ATRNL1: variants seen among roughly 807,000 people sequenced by gnomAD.
ATRNL1 encodes attractin like 1.
ATRNL1 carries 95 observed loss-of-function variants against 182.7 expected under a neutral mutation model. That is an observed-to-expected ratio of 0.52 (90% confidence interval 0.44 to 0.62). The LOEUF (loss-of-function observed/expected upper bound fraction) is 0.62. Ranked by LOEUF, ATRNL1 falls within the 20% of genes least tolerant of loss-of-function variation. The pLI is 0.00. For missense variants in ATRNL1, 1,471 were observed against 1,679.5 expected, an observed-to-expected ratio of 0.88 and a Z score of 2.17; for synonymous variants, 576 against 568.3, an observed-to-expected ratio of 1.01 and a Z score of -0.19.
intron 5 of ATRNL1, among the ~76,000 whole-genome samples, chr10:115,134,359 C>T (rs1214836803): frequency 1.3e-5 from 2 of 152,028 alleles, no homozygotes; most frequent in African/African-American, 4.8e-5. Flanking sequence ...GGGGATATCA[C>T]CACAGATCCC....
intron 28 of ATRNL1, among the ~76,000 whole-genome samples, chr10:115,885,615 A>T (rs1453173153): frequency 1.3e-5 from 2 of 152,208 alleles, no homozygotes; most frequent in African/African-American, 2.4e-5. Context: ...AATAGAAATC[A>T]CTTATAATTC....
intron 28 of ATRNL1, among the ~76,000 whole-genome samples, chr10:115,923,508 G>C (rs113984775): frequency 6.6e-6 from 1 of 152,048 alleles, no homozygotes; most frequent in South Asian, 2.1e-4. Context: ...AACATGTGTC[G>C]TTTGGTTTTC....
intron 24 of ATRNL1, among the ~76,000 whole-genome samples, chr10:115,503,986 G>A (rs1554980652): frequency 6.6e-6 from 1 of 151,202 alleles, no homozygotes; most frequent in African/African-American, 2.4e-5. Context: ...GACAAAATTT[G>A]TTCACCTTTT....
chr10:115,541,766 T>A (rs763564724), intron 25 of ATRNL1, among the ~76,000 whole-genome samples: 1 of 152,078 alleles, frequency 6.6e-6, no homozygotes, highest in South Asian at 2.1e-4. Context: ...TTGTAAAAAA[T>A]TTAGCAATAG....
chr10:115,602,282 G>C (rs1856637211), intron 26 of ATRNL1, among the ~76,000 whole-genome samples: 1 of 151,940 alleles, frequency 6.6e-6, no homozygotes, highest in Non-Finnish European at 1.5e-5. Context: ...TGAACCCTGG[G>C]GTCAGAGGTT....
intron 26 of ATRNL1, among the ~76,000 whole-genome samples, chr10:115,584,760 C>T (rs1218079103): frequency 5.3e-5 from 8 of 152,072 alleles, no homozygotes; most frequent in Admixed American, 4.6e-4. Context: ...CAGTTTTGCT[C>T]TGACTTTAGT....
intron 5 of ATRNL1, among the ~76,000 whole-genome samples, chr10:115,134,067 A>G (rs1364571695): frequency 3.9e-5 from 6 of 152,210 alleles, no homozygotes; most frequent in South Asian, 2.1e-4. Flanking sequence ...ATAGCACTAA[A>G]TGCCCACAAC....
Position 115,189,950 on chromosome 10 carries a change from C to T in ATRNL1, c.1348+18658C>T, listed in dbSNP as rs117580231. ...TTTATTTTTTACACCACACTTTTAC[C>T]ATACCTTTTCTATATGTTTAGATAC... is the stretch of plus-strand genomic sequence containing the variant. On this transcript the variant is annotated intron_variant, in intron 8 of 28. Transcript: ENST00000355044. Among the ~76,000 whole-genome samples the T allele has an allele frequency of 5.3e-3, 809 of 152,150 alleles. 3 individuals carry two copies. Among genetic ancestry groups the T allele is most frequent in the South Asian group, 0.028 (136 of 4,824 alleles).
intron 27 of ATRNL1, among the ~76,000 whole-genome samples, chr10:115,786,253 T>C (rs1949394233): frequency 6.6e-6 from 1 of 152,168 alleles, no homozygotes; most frequent in Non-Finnish European, 1.5e-5. Flanking sequence ...TTTTTAGGTA[T>C]TATTACCCCT....
intron 27 of ATRNL1, among the ~76,000 whole-genome samples, chr10:115,811,276 A>T (rs1950040916): frequency 6.6e-6 from 1 of 151,876 alleles, no homozygotes; most frequent in Admixed American, 6.6e-5. Context: ...AATGTGTCAC[A>T]ATTTTCCAGA....
intron 28 of ATRNL1, among the ~76,000 whole-genome samples, chr10:115,934,352 T>C (rs1555122363): frequency 6.6e-6 from 1 of 152,222 alleles, no homozygotes; most frequent in Non-Finnish European, 1.5e-5. Context: ...CCATCTATGC[T>C]AATTACTCCC....
At chr10:115,176,735 G>T (rs576505351) in intron 8 of ATRNL1, among the ~76,000 whole-genome samples, 2 of 152,170 alleles carry the variant, frequency 1.3e-5, no homozygotes, top group African/African-American at 4.8e-5. Context: ...ACGTGAGATA[G>T]CCACTAGATG....
At chr10:115,824,756 A>G (rs550163228) in intron 27 of ATRNL1, among the ~76,000 whole-genome samples, 176 of 152,332 alleles carry the variant, frequency 1.2e-3, no homozygotes, top group African/African-American at 4.1e-3. Flanking sequence ...AGTCATTAAA[A>G]AGTCAGATGC....
intron 24 of ATRNL1, among the ~76,000 whole-genome samples, chr10:115,517,864 G>A (rs1447153036): frequency 2.6e-5 from 4 of 151,642 alleles, no homozygotes; most frequent in Admixed American, 2.0e-4. Context: ...AAAGACCTGG[G>A]AAGAAAATTC....
chr10:115,184,269 A>T (rs1592225398), intron 8 of ATRNL1, among the ~76,000 whole-genome samples: 1 of 151,554 alleles, frequency 6.6e-6, no homozygotes, highest in African/African-American at 2.4e-5. Flanking sequence ...CAAAGCCAGC[A>T]TCTTATACTT....
Position 115,469,243 on chromosome 10 carries a change from T to A in ATRNL1, c.3568T>A (p.Ser1190Thr). Reference protein sequence around the residue: ...NNIKEYRDSFSYEKFNFRSNP... With the variant: ...NNIKEYRDSFTYEKFNFRSNP... ...TATAAAGGAATACAGAGATAGTTTT[T>A]CCTATGAAAAATTTAACTTTAGAAG... The change falls in exon 24 of 29, where the codon TCC becomes ACC. Residue 1190 changes from serine (S) to threonine (T), a missense_variant. Ser to Thr is a moderately conservative substitution (Grantham distance 58). Coordinates refer to ENST00000355044, the MANE Select transcript of ATRNL1 (RefSeq NM_207303.4). The A allele has an allele frequency of 2.7e-6, 4 of 1,500,594 alleles. No individual in the cohort carries two copies. Among genetic ancestry groups the A allele is most frequent in the Non-Finnish European group, 3.6e-6 (4 of 1,113,150 alleles). The allele number at this position is 1,500,594 out of a possible 1,614,324, so 93.0% of individuals were successfully genotyped here.
At position 115,281,355 on chromosome 10, in the gene ATRNL1, T is replaced by G; in HGVS notation, c.2101T>G (p.Ser701Ala). Residue 701 changes from serine (S) to alanine (A), a missense_variant and splice_region_variant, in exon 14 of 29, where the codon TCT becomes GCT. Physicochemically the swap from Ser to Ala is moderately conservative, Grantham distance 99. Coordinates refer to ENST00000355044, the MANE Select transcript of ATRNL1 (RefSeq NM_207303.4). ...ATAACATGCTCTTTTAATTTTGTAG[T>G]CTGTCAAGAACTACACCAAATGTCA... The part of the protein sequence containing the change: ...CISANSNCSM[S>A]VKNYTKCHVR... 6.2e-7 allele frequency: 1 copy of G among 1,606,586 alleles called. No individual in the cohort carries two copies. Among genetic ancestry groups the G allele is most frequent in the Non-Finnish European group, 8.5e-7 (1 of 1,176,772 alleles).
intron 10 of ATRNL1, among the ~76,000 whole-genome samples, chr10:115,256,673 C>T (rs189582182): frequency 1.2e-4 from 18 of 151,794 alleles, no homozygotes; most frequent in Admixed American, 9.8e-4. Context: ...TCTTGCCTTC[C>T]GCTAGCTTTT....
chr10:115,929,258 A>C (rs1555121004), intron 28 of ATRNL1, among the ~76,000 whole-genome samples: 1 of 152,120 alleles, frequency 6.6e-6, no homozygotes, highest in Non-Finnish European at 1.5e-5. Context: ...TTTGTGTAAT[A>C]ATAAACACTT....
Sources: gnomAD v4.1 joint callset for allele counts (sites outside exome capture counted in the v4.1 genomes callset) on GRCh38, gnomAD v4.1.1 for gene constraint, MANE v1.5 for transcripts, NCBI Gene and HGNC (gene_info 2026-07-23, HGNC 2026-07-21) for gene names.